Variants in SYT16 observed in about 807,000 individuals in gnomAD.
The protein encoded by SYT16 is synaptotagmin-16.
Under a neutral mutation model 61.4 loss-of-function variants are expected in SYT16, and 42 were observed. That is an observed-to-expected ratio of 0.68 (90% CI 0.53 to 0.89). The LOEUF is 0.89. SYT16 is among the 40% of genes least tolerant of loss of function. The pLI is 0.00. For synonymous variants in SYT16, 314 were observed against 302.3 expected (o/e 1.04, Z -0.40); for missense variants, 804 against 807.3 (o/e 1.00, Z 0.05).
chr14:61,984,725 G>A (rs2052229636), intron 2 of SYT16, among the ~76,000 whole-genome samples: 1 of 152,122 alleles, frequency 6.6e-6, no homozygotes. Context: ...GCTTAAAATA[G>A]AAATATAACT....
At chr14:62,069,409 C>T in intron 3 of SYT16, 194 bp from the exon 4 acceptor site, 1 of 595,268 alleles carries the variant, frequency 1.7e-6, no homozygotes, top group Non-Finnish European at 3.0e-6. Context: ...TTCTAATTAC[C>T]TTCATGAGCA....
chr14:61,954,828 G>A (rs2050808416), intron 1 of SYT16, among the ~76,000 whole-genome samples: 2 of 152,000 alleles, frequency 1.3e-5, no homozygotes, highest in Admixed American at 1.3e-4. Flanking sequence ...CAATTCTCAT[G>A]ACCTATAATA....
At chr14:62,051,265 C>G (rs192601038) in intron 3 of SYT16, among the ~76,000 whole-genome samples, 1 of 152,348 alleles carries the variant, frequency 6.6e-6, no homozygotes, top group South Asian at 2.1e-4. Context: ...TAGGACCCTC[C>G]GAGCCATGTG....
intron 1 of SYT16, among the ~76,000 whole-genome samples, chr14:61,843,944 C>T (rs1489318123): frequency 6.6e-6 from 1 of 152,030 alleles, no homozygotes; most frequent in East Asian, 1.9e-4. Flanking sequence ...TGAAGAATGT[C>T]ATTGGTATTT....
intron 3 of SYT16, among the ~76,000 whole-genome samples, chr14:62,056,765 G>C (rs2055574986): frequency 6.6e-6 from 1 of 152,176 alleles, no homozygotes; most frequent in Admixed American, 6.5e-5. Context: ...CTGTGCACCT[G>C]AACACACTTT....
At chr14:61,965,469 A>T (rs2140512592) in intron 1 of SYT16, among the ~76,000 whole-genome samples, 1 of 152,256 alleles carries the variant, frequency 6.6e-6, no homozygotes, top group African/African-American at 2.4e-5. Context: ...CTCTAACTGA[A>T]CTAAGCTTTC....
intron 7 of SYT16, among the ~76,000 whole-genome samples, chr14:62,087,318 C>T (rs1366227213): frequency 6.6e-6 from 1 of 151,502 alleles, no homozygotes; most frequent in Non-Finnish European, 1.5e-5. Context: ...CACCGCTCCC[C>T]ACGGCAGAGG....
At chr14:61,939,989 C>T (rs756347702) in intron 1 of SYT16, among the ~76,000 whole-genome samples, 3 of 152,070 alleles carry the variant, frequency 2.0e-5, no homozygotes, top group Non-Finnish European at 4.4e-5. Flanking sequence ...GAATTAGCAG[C>T]CTTTCTCCTT....
intron 1 of SYT16, among the ~76,000 whole-genome samples, chr14:61,854,803 C>T (rs887182739): frequency 6.6e-6 from 1 of 151,942 alleles, no homozygotes; most frequent in Non-Finnish European, 1.5e-5. Flanking sequence ...GTGTGTTTTT[C>T]TCCACACTTA....
chr14:61,975,755 A>G (rs2051762844), intron 2 of SYT16, among the ~76,000 whole-genome samples: 1 of 152,154 alleles, frequency 6.6e-6, no homozygotes, highest in Non-Finnish European at 1.5e-5. Flanking sequence ...GGGGATTACA[A>G]TTCAAAATGA....
intron 1 of SYT16, among the ~76,000 whole-genome samples, chr14:61,847,574 C>G: frequency 6.6e-6 from 1 of 152,078 alleles, no homozygotes; most frequent in East Asian, 1.9e-4. Flanking sequence ...CTATAACCTT[C>G]TTGTACTTGA....
chr14:61,835,439 T>A (rs1419688711), intron 1 of SYT16, among the ~76,000 whole-genome samples: 1 of 151,802 alleles, frequency 6.6e-6, no homozygotes, highest in Non-Finnish European at 1.5e-5. Flanking sequence ...TTTGTATTCT[T>A]AGTAGAGATG....
chr14:62,063,854 G>A (rs944734916), intron 3 of SYT16, among the ~76,000 whole-genome samples: 13 of 152,192 alleles, frequency 8.5e-5, no homozygotes. Context: ...CACCTTGGTT[G>A]TGTGTTAATA....
intron 2 of SYT16, among the ~76,000 whole-genome samples, chr14:61,977,403 C>T (rs1271734527): frequency 1.3e-5 from 2 of 152,168 alleles, no homozygotes; most frequent in East Asian, 3.8e-4. Context: ...CACAGTTCAG[C>T]ATGGCTGGAG....
chr14:61,888,593 A>G (rs893702242), intron 1 of SYT16, among the ~76,000 whole-genome samples: 2 of 152,208 alleles, frequency 1.3e-5, no homozygotes, highest in African/African-American at 4.8e-5. Flanking sequence ...TTACAATATT[A>G]ACATCAAAAG....
intron 1 of SYT16, among the ~76,000 whole-genome samples, chr14:61,913,872 G>A (rs1234735449): frequency 6.6e-6 from 1 of 152,110 alleles, no homozygotes; most frequent in African/African-American, 2.4e-5. Context: ...ACATAGCCTT[G>A]TCTGCAAACT....
At chr14:61,948,242 T>A (rs1050073814) in intron 1 of SYT16, among the ~76,000 whole-genome samples, 1 of 152,078 alleles carries the variant, frequency 6.6e-6, no homozygotes, top group Non-Finnish European at 1.5e-5. Flanking sequence ...AGTGTATGTG[T>A]GTAAAATAAT....
chr14:61,990,931 TGC>T (rs1177704299), intron 2 of SYT16, among the ~76,000 whole-genome samples: 1 of 152,206 alleles, frequency 6.6e-6, no homozygotes, highest in Non-Finnish European at 1.5e-5. Flanking sequence ...TAATATTTAC[TGC>T]TTAGTCATTT....
chr14:61,945,814 C>G (rs1329309618), intron 1 of SYT16, among the ~76,000 whole-genome samples: 1 of 139,290 alleles, frequency 7.2e-6, no homozygotes, highest in Non-Finnish European at 1.5e-5. Context: ...CGAGATCACG[C>G]CACTGCACTC....
Sources: allele counts gnomAD v4.1 joint callset (sites outside exome capture counted in the v4.1 genomes callset), GRCh38; gene constraint gnomAD v4.1.1; transcripts MANE v1.5; gene names NCBI Gene and HGNC (gene_info 2026-07-23, HGNC 2026-07-21).